The following S100A7 variants were observed in gnomAD, a reference collection of about 807,000 sequenced individuals.
S100A7 encodes the protein protein S100-A7.
A neutral mutation model predicts 3.8 loss-of-function variants in S100A7; 2 were observed. That is an observed-to-expected ratio of 0.53 (90% CI 0.22 to 1.67). The LOEUF is 1.67. Ranked by LOEUF, S100A7 falls within the 40% of genes most tolerant of loss-of-function variation. S100A7 has a pLI of 0.20. For synonymous variants in S100A7, 55 were observed against 45.9 expected (o/e 1.20, Z -0.80); for missense variants, 130 against 126.3 (o/e 1.03, Z -0.14).
chr1:153,459,212 G>T (rs1216282152), intron 1 of S100A7, among the ~76,000 whole-genome samples, 182 bp from the exon 2 acceptor site: 1 of 152,160 alleles, frequency 6.6e-6, no homozygotes, highest in Admixed American at 6.5e-5. Flanking sequence ...GACCAAGTCT[G>T]AGACCTGGCC....
At chr1:153,458,804 A>G in intron 2 of S100A7, 69 bp downstream of exon 2, 13 of 1,552,190 alleles carry the variant, frequency 8.4e-6, no homozygotes, top group Non-Finnish European at 1.1e-5. Context: ...TCAGAGGGTG[A>G]GGGTGATCTG....
rs1279222231 is a variant in S100A7 at position 153,457,956 on chromosome 1, T to C, written c.156A>G (p.Thr52=). The C allele has an allele frequency of 1.9e-6, 3 of 1,614,054 alleles. No homozygotes were observed. The highest frequency in any genetic ancestry group is 2.7e-5 in the African/African-American group (2 of 74,920). ...TCTCAAAGACATCGGCGAGGTAATT[T>C]GTGCCCTTTTTGTCCTGTGAAGAGA... ...NFLSACDKKG[T]NYLADVFEKK... Residue 52 remains threonine, a synonymous_variant, in exon 3 of 3, where the codon ACA becomes ACG. Transcript: ENST00000368723.
intron 1 of S100A7, 86 bp from the exon 2 acceptor site, chr1:153,459,116 G>T: frequency 1.4e-6 from 2 of 1,480,704 alleles, no homozygotes; most frequent in Non-Finnish European, 9.1e-7. Flanking sequence ...GCTGAGGACA[G>T]AGTAAAAACA....
Position 153,457,902 on chromosome 1 carries a change from A to C in S100A7, c.210T>G (p.Ile70Met). 6.2e-7 allele frequency: 1 copy of C among 1,614,148 alleles called. No individual in the cohort carries two copies. The highest frequency in any genetic ancestry group is 8.5e-7 in the Non-Finnish European group (1 of 1,180,032). Reference sequence around the variant, plus strand: ...GCAAGGACAGAAACTCAGAAAAATCAATCTTCTTATCCTCATTCTTGTCCT... The same window carrying C: ...GCAAGGACAGAAACTCAGAAAAATCCATCTTCTTATCCTCATTCTTGTCCT... ...EKKDKNEDKKIDFSEFLSLLG... is the reference protein window; with the variant it reads ...EKKDKNEDKKMDFSEFLSLLG... Residue 70 changes from isoleucine to methionine, a missense_variant, in exon 3 of 3, where the codon ATT (isoleucine) becomes ATG (methionine). Coordinates refer to ENST00000368723, the MANE Select transcript of S100A7 (RefSeq NM_002963.4).
intron 1 of S100A7, 22 bp from the exon 2 acceptor site, chr1:153,459,052 A>G: frequency 6.2e-7 from 1 of 1,605,404 alleles, no homozygotes. Context: ...AAAGACAATC[A>G]TTTTTTTCCC....
chr1:153,460,506 G>C, intron 1 of S100A7, 102 bp downstream of exon 1: 1 of 658,458 alleles, frequency 1.5e-6, no homozygotes, highest in Non-Finnish European at 2.8e-6. Flanking sequence ...CTAGACCCAG[G>C]CTTCTGAGTC....
At position 153,460,603 on chromosome 1, in the gene S100A7, CT is replaced by C; in HGVS notation, c.-18+4del. ...AGAAAACGCAAAGAGGCAGGTGAGA[CT>C]TACCAGAGCTGGGAAGCGTCACGAG... On this transcript the variant is annotated splice_donor_region_variant and intron_variant, in intron 1 of 2. Coordinates refer to ENST00000368723, the MANE Select transcript of S100A7 (RefSeq NM_002963.4). The C allele has an allele frequency of 2.7e-6, 3 of 1,123,758 alleles. No individual in the cohort carries two copies. The highest frequency in any genetic ancestry group is 2.6e-6 in the Non-Finnish European group (2 of 760,680). 69.6% of individuals were successfully genotyped at this position (1,123,758 alleles called of 1,614,324 possible).
At chr1:153,460,555 CAGGCCAGGCACTGGGCACTTCTAG>C in intron 1 of S100A7, 29 bp downstream of exon 1, 2 of 738,084 alleles carry the variant, frequency 2.7e-6, no homozygotes, top group Non-Finnish European at 4.9e-6. Flanking sequence ...GGCAGCATGG[CAGGCCAGGCACTGGGCACTTCTAG>C]AAAACGCAAA....
rs1663806232 is a variant in S100A7, at chr1:153,460,629, G to C, written c.-39C>G. ...TTACCAGAGCTGGGAAGCGTCACGA[G>C]TAGAAGGATGAGTGAGATGTGTGTG... On this transcript the variant is annotated 5_prime_UTR_variant, in exon 1 of 3. Transcript: ENST00000368723. 1 of 1,206,160 alleles carries C rather than the reference G, an allele frequency of 8.3e-7. No homozygotes were observed. The highest frequency in any genetic ancestry group is 1.5e-5 in the African/African-American group (1 of 66,328). The allele number at this position is 1,206,160 out of a possible 1,614,324, so 74.7% of individuals were successfully genotyped here.
chr1:153,457,823 A>G lies in S100A7; in HGVS notation c.289T>C (p.Ser97Pro). ...HKQSHGAAPC[S>P]GGSQ is the part of the protein sequence containing the mutation. ...GGGCTGGGTCACTGGCTGCCCCCGG[A>G]ACAGGGCGCTGCTCCATGGCTCTGC... Residue 97 changes from serine (S) to proline (P), a missense_variant, in exon 3 of 3, where the codon TCC (serine) becomes CCC (proline). By Grantham distance (74) the Ser-to-Pro change is moderately conservative. Transcript: ENST00000368723. The G allele has an allele frequency of 6.2e-7, 1 of 1,614,090 alleles. No individual in the cohort carries two copies. The highest frequency in any genetic ancestry group is 8.5e-7 in the Non-Finnish European group (1 of 1,180,002).
At chr1:153,458,362 CTCCTT>C (rs1663738493) in intron 2 of S100A7, among the ~76,000 whole-genome samples, 1 of 152,170 alleles carries the variant, frequency 6.6e-6, no homozygotes, top group Admixed American at 6.5e-5. Context: ...CTGGCCTCCT[CTCCTT>C]TCTTCTCCTT....
intron 2 of S100A7, 128 bp from the exon 3 acceptor site, chr1:153,458,098 A>G: frequency 9.4e-7 from 1 of 1,063,508 alleles, no homozygotes; most frequent in Non-Finnish European, 1.4e-6. Context: ...CGGGGCTGAG[A>G]GCACAGGGTG....
At position 153,458,178 on chromosome 1, in the gene S100A7, A is replaced by C. The variant is rs140011273; in HGVS notation, c.142-208T>G. Among the ~76,000 whole-genome samples the C allele has an allele frequency of 6.5e-3, 993 of 152,084 alleles. 9 individuals are homozygous for C. Among genetic ancestry groups the C allele is most frequent in the African/African-American group, 0.022 (908 of 41,472 alleles). On this transcript the variant is annotated intron_variant, in intron 2 of 2. Coordinates refer to ENST00000368723, the MANE Select transcript of S100A7 (RefSeq NM_002963.4). ...TCTCTAGGGAGTCTTTTTGTCTCAC[A>C]CCTCAGGATGGGAGGCAGGTCCTGT...
chr1:153,458,972 G>A lies in S100A7; in HGVS notation c.42C>T (p.Ile14=), dbSNP rs1571203477. The part of the protein sequence containing the change: ...TQAERSIIGM[I]DMFHKYTRRD... ...GTCTGGTGTATTTGTGAAACATGTC[G>A]ATCATGCCTATTATGGACCTCTCAG... The change falls in exon 2 of 3, where the codon ATC becomes ATT. Residue 14 remains isoleucine, a synonymous_variant. Transcript: ENST00000368723. The A allele has an allele frequency of 5.0e-6, 8 of 1,613,884 alleles. No homozygotes were observed. Among genetic ancestry groups the A allele is most frequent in the South Asian group, 1.1e-5 (1 of 91,058 alleles).
At position 153,457,817 on chromosome 1, in the gene S100A7, C is replaced by G; in HGVS notation, c.295G>C (p.Gly99Arg). The change falls in exon 3 of 3, where the codon GGC (glycine) becomes CGC (arginine). Residue 99 changes from glycine to arginine, a missense_variant. Physicochemically the swap from Gly to Arg is moderately radical, Grantham distance 125. Transcript: ENST00000368723. ...TTGGTGGGGCTGGGTCACTGGCTGCCCCCGGAACAGGGCGCTGCTCCATGG... is the reference window on the plus strand; with the variant it reads ...TTGGTGGGGCTGGGTCACTGGCTGCGCCCGGAACAGGGCGCTGCTCCATGG... ...QSHGAAPCSG[G>R]SQ The G allele has an allele frequency of 6.2e-7, 1 of 1,614,098 alleles. No homozygotes were observed. The highest frequency in any genetic ancestry group is 8.5e-7 in the Non-Finnish European group (1 of 1,180,006).
At chr1:153,459,070 A>C in intron 1 of S100A7, 40 bp from the exon 2 acceptor site, 1 of 1,599,194 alleles carries the variant, frequency 6.3e-7, no homozygotes, top group Non-Finnish European at 8.5e-7. Flanking sequence ...CCCTTCATTT[A>C]AGTTAGGGTC....
At chr1:153,458,493 G>A (rs574118442) in intron 2 of S100A7, among the ~76,000 whole-genome samples, 2 of 152,112 alleles carry the variant, frequency 1.3e-5, no homozygotes, top group Admixed American at 6.5e-5. Context: ...TGCAAAGAGG[G>A]CTATTGATTT....
chr1:153,457,775 G>C lies in S100A7; in HGVS notation c.*31C>G, dbSNP rs1223765954. On this transcript the variant is annotated 3_prime_UTR_variant, in exon 3 of 3. Transcript: ENST00000368723. ...GGGAGAAGACATTTTATTGTTCCTG[G>C]GGTCTCTGGAGGCCCATTGGTGGGG... is the stretch of plus-strand genomic sequence containing the variant. 2.6e-6 allele frequency: 4 copies of C among 1,553,484 alleles called. No homozygotes were observed. In the East Asian group the frequency reaches 9.6e-5, roughly 37 times the overall value.
chr1:153,458,985 A>T lies in S100A7; in HGVS notation c.29T>A (p.Ile10Lys), dbSNP rs374877116. The change falls in exon 2 of 3, where the codon ATA (isoleucine) becomes AAA (lysine). Residue 10 changes from isoleucine (I) to lysine (K), a missense_variant. Transcript: ENST00000368723. The stretch of plus-strand genomic sequence containing the variant: ...GTGAAACATGTCGATCATGCCTATT[A>T]TGGACCTCTCAGCTTGAGTGTTGCT... MSNTQAERS[I>K]IGMIDMFHKY... 5.0e-6 allele frequency: 8 copies of T among 1,613,982 alleles called. No individual in the cohort carries two copies. The highest frequency in any genetic ancestry group is 2.7e-5 in the African/African-American group (2 of 74,928).
Sources: allele counts gnomAD v4.1 joint callset (sites outside exome capture counted in the v4.1 genomes callset), GRCh38; gene constraint gnomAD v4.1.1; transcripts MANE v1.5; gene names NCBI Gene and HGNC (gene_info 2026-07-23, HGNC 2026-07-21).